The following TTLL10 variants were observed in gnomAD, a reference collection of about 807,000 sequenced individuals.
TTLL10 encodes inactive polyglycylase TTLL10.
In TTLL10, 61 loss-of-function variants were observed where a neutral mutation model predicts 69.0. That is an observed-to-expected ratio of 0.88 (90% CI 0.72 to 1.09). The LOEUF (loss-of-function observed/expected upper bound fraction) is 1.09, where lower values mean the gene tolerates loss of function less well. TTLL10 is among the 50% of genes least tolerant of loss of function. TTLL10 has a pLI of 0.00. For synonymous variants in TTLL10, 408 were observed against 393.3 expected (o/e 1.04, Z -0.44); for missense variants, 962 against 945.9 (o/e 1.02, Z -0.22).
In TTLL10 at chr1:1,185,376, A is replaced by G; in HGVS notation, c.1401+267A>G. On this transcript the variant is annotated intron_variant, in intron 13 of 15. Coordinates refer to ENST00000379289, the MANE Select transcript of TTLL10 (RefSeq NM_001130045.2). The surrounding 1 kb of genome is among the most constrained non-coding windows in gnomAD (Gnocchi z 6.1). ...CCGCGGGCAGCCTCGCCGTAGGGTC[A>G]GGGGACAGCTCGGCTTCAGTGACAG... The G allele has an allele frequency of 7.6e-7, 1 of 1,324,288 alleles. No homozygotes were observed. Among genetic ancestry groups the G allele is most frequent in the Non-Finnish European group, 9.6e-7 (1 of 1,038,920 alleles). The allele number at this position is 1,324,288 out of a possible 1,614,324, so 82.0% of individuals were successfully genotyped here.
chr1:1,179,051 G>A (rs779885080), intron 3 of TTLL10, 138 bp from the exon 4 acceptor site: 6 of 587,082 alleles, frequency 1.0e-5, no homozygotes, highest in South Asian at 8.8e-5. Flanking sequence ...CCAGCCGCAC[G>A]CAGAGGCTCA....
rs1022466776 is a variant in TTLL10, at chr1:1,174,816, C to T, written c.-28+327C>T. 5 of 152,252 alleles carry T rather than the reference C, an allele frequency of 3.3e-5. No homozygotes were observed. In the East Asian group the frequency reaches 9.6e-4, roughly 29 times the overall value. 9.4% of individuals were successfully genotyped at this position (152,252 alleles called of 1,614,324 possible). The stretch of plus-strand genomic sequence containing the variant: ...TCACCACACACACAGCGGGCAGCTG[C>T]TTAAGAAACCTTTGATTTCAGTCCG... On this transcript the variant is annotated intron_variant, in intron 3 of 15. Coordinates refer to ENST00000379289, the MANE Select transcript of TTLL10 (RefSeq NM_001130045.2).
At chr1:1,176,973 C>G (rs933303287) in intron 3 of TTLL10, among the ~76,000 whole-genome samples, 2 of 152,116 alleles carry the variant, frequency 1.3e-5, no homozygotes, top group Non-Finnish European at 2.9e-5. Context: ...TGTTTCTCCC[C>G]TTTTCTCTTC....
chr1:1,179,366 T>A (rs1340139496), intron 4 of TTLL10, 33 bp downstream of exon 4: 2 of 1,536,130 alleles, frequency 1.3e-6, no homozygotes, highest in Admixed American at 2.0e-5. Flanking sequence ...GCCTCCTACC[T>A]CTCCAAGGCC....
intron 13 of TTLL10, 37 bp from the exon 14 acceptor site, chr1:1,196,563 C>A (rs192368296): frequency 6.7e-7 from 1 of 1,489,234 alleles, no homozygotes; most frequent in Admixed American, 2.0e-5. Flanking sequence ...TCAGGGCCTA[C>A]GGGCCGCAGC....
intron 13 of TTLL10, among the ~76,000 whole-genome samples, chr1:1,194,522 T>C (rs1481096315): frequency 6.6e-6 from 1 of 152,174 alleles, no homozygotes; most frequent in Non-Finnish European, 1.5e-5. Context: ...GTAGGGCGGG[T>C]CTACCTTTGT....
chr1:1,182,392 A>G lies in TTLL10; in HGVS notation c.862A>G (p.Thr288Ala). Residue 288 changes from threonine (T) to alanine (A), a missense_variant, in exon 10 of 16, where the codon ACC becomes GCC. Coordinates refer to ENST00000379289, the MANE Select transcript of TTLL10 (RefSeq NM_001130045.2). ...VLRMEEFFPE[T>A]YRLDLKHERE... ...GAGAATGGAAGAGTTTTTCCCAGAG[A>G]CCTACCGCCTGGACCTCAAACACGA... 6.2e-7 allele frequency: 1 copy of G among 1,613,790 alleles called. No individual in the cohort carries two copies. Among genetic ancestry groups the G allele is most frequent in the Admixed American group, 1.7e-5 (1 of 60,014 alleles).
rs1557484605 is a variant in TTLL10 at position 1,185,167 on chromosome 1, GTCAGGCTGGGCACCAGGCACACAGA to G, written c.1401+60_1401+84del. On this transcript the variant is annotated intron_variant, in intron 13 of 15. Coordinates refer to ENST00000379289, the MANE Select transcript of TTLL10 (RefSeq NM_001130045.2). This position sits in a 1 kb window ranked among gnomAD's most constrained non-coding sequence, Gnocchi z 6.1. ...AGATCCCTCGGGGCGGGGGTGTGTG[GTCAGGCTGGGCACCAGGCACACAGA>G]TGTCCGTGGCGTGCGTGGGCGGCTG... 8.2e-6 allele frequency: 13 copies of G among 1,589,408 alleles called. No homozygotes were observed. Among genetic ancestry groups the G allele is most frequent in the Non-Finnish European group, 1.0e-5 (12 of 1,165,942 alleles).
At chr1:1,190,095 G>C (rs1418427448) in intron 13 of TTLL10, among the ~76,000 whole-genome samples, 4 of 148,562 alleles carry the variant, frequency 2.7e-5, no homozygotes, top group East Asian at 2.0e-4. Flanking sequence ...CTGGGGGACA[G>C]AGCGAGACCC....
At chr1:1,182,196 T>C (rs1213663034) in intron 9 of TTLL10, among the ~76,000 whole-genome samples, 165 bp from the exon 10 acceptor site, 1 of 151,990 alleles carries the variant, frequency 6.6e-6, no homozygotes, top group Non-Finnish European at 1.5e-5. Flanking sequence ...GGGGGGGTGC[T>C]GCAAAGGGGC....
Position 1,181,781 on chromosome 1 carries a change from C to G in TTLL10, c.796C>G (p.Pro266Ala). 1 of 1,609,374 alleles carries G rather than the reference C, an allele frequency of 6.2e-7. No homozygotes were observed. Among genetic ancestry groups the G allele is most frequent in the Non-Finnish European group, 8.5e-7 (1 of 1,178,808 alleles). ...DAAAPALEDLPWTSPGYLRPQ... is the reference protein window; with the variant it reads ...DAAAPALEDLAWTSPGYLRPQ... ...AGCAGCGCCCGCCCTGGAGGACCTC[C>G]CGTGGACAAGCCCAGGATACCTCAG... is the stretch of plus-strand genomic sequence containing the variant. Residue 266 changes from proline to alanine, a missense_variant, in exon 9 of 16, where the codon CCG (proline) becomes GCG (alanine). Pro to Ala is a conservative substitution (Grantham distance 27, BLOSUM62 -1). Coordinates refer to ENST00000379289, the MANE Select transcript of TTLL10 (RefSeq NM_001130045.2). The surrounding 1 kb of genome is among the most constrained non-coding windows in gnomAD (Gnocchi z 4.6).
chr1:1,192,557 GAGTGTAGACAATCCAGTTGATATC>G (rs1557490254), intron 13 of TTLL10, among the ~76,000 whole-genome samples: 4 of 150,036 alleles, frequency 2.7e-5, no homozygotes, highest in Non-Finnish European at 3.0e-5. Flanking sequence ...CAGTTGGTAT[GAGTGTAGACAATCCAGTTGATATC>G]AGTGTAGACA....
intron 11 of TTLL10, among the ~76,000 whole-genome samples, chr1:1,183,691 C>T (rs1260307991): frequency 6.6e-6 from 1 of 152,260 alleles, no homozygotes; most frequent in Non-Finnish European, 1.5e-5. Flanking sequence ...AGGCAGCCCT[C>T]CAGGCTCCTA....
In TTLL10 at chr1:1,180,609, G is replaced by C. The variant is rs1450052820; in HGVS notation, c.625+8G>C. 2 of 1,551,824 alleles carry C rather than the reference G, an allele frequency of 1.3e-6. No homozygotes were observed. Among genetic ancestry groups the C allele is most frequent in the Non-Finnish European group, 1.7e-6 (2 of 1,147,452 alleles). On this transcript the variant is annotated splice_region_variant and intron_variant, in intron 7 of 15. Transcript: ENST00000379289. ...ACGGCAGCTTCCGGGAAGGTAGCGG[G>C]AGCCGGCACCAGAGGCGGGCAGCCT...
rs774608314 is a variant in TTLL10, at chr1:1,180,900, C to T, written c.755+40C>T. On this transcript the variant is annotated intron_variant, in intron 8 of 15. Transcript: ENST00000379289. ...GCCCCTGCCCCCGTCCCTGCGCCCG[C>T]CCCTACGCCTGCCCCTGCCCCTGCC... is the stretch of plus-strand genomic sequence containing the variant. The T allele has an allele frequency of 1.7e-5, 26 of 1,509,330 alleles. No individual in the cohort carries two copies. In the South Asian group the frequency reaches 3.1e-4, roughly 18 times the overall value. The allele number at this position is 1,509,330 out of a possible 1,614,324, so 93.5% of individuals were successfully genotyped here. A position where few individuals can be genotyped will look rare whatever the true frequency, so the allele number is the denominator to read the frequency against.
chr1:1,191,656 A>G (rs986207666), intron 13 of TTLL10, among the ~76,000 whole-genome samples: 36 of 152,196 alleles, frequency 2.4e-4, no homozygotes, highest in Non-Finnish European at 2.9e-5. Flanking sequence ...TTAAAGACAC[A>G]CACAGAGAAA....
In TTLL10 at chr1:1,183,011, C is replaced by G. The variant is rs770599987; in HGVS notation, c.1052C>G (p.Thr351Arg). 27 of 1,609,432 alleles carry G rather than the reference C, an allele frequency of 1.7e-5. No homozygotes were observed. In the African/African-American group the frequency reaches 3.5e-4, roughly 21 times the overall value. ...GAGGACGACCCCATCCACCACAAGA[C>G]GCCGTTCCGGGGGCCTCAGGCGCGG... The part of the protein sequence containing the change: ...SMEDDPIHHK[T>R]PFRGPQARVV... Residue 351 changes from threonine (T) to arginine (R), a missense_variant, in exon 11 of 16, where the codon ACG (threonine) becomes AGG (arginine). Transcript: ENST00000379289.
chr1:1,189,878 C>T (rs1046748933), intron 13 of TTLL10, among the ~76,000 whole-genome samples: 9 of 151,938 alleles, frequency 5.9e-5, no homozygotes, highest in African/African-American at 1.5e-4. Flanking sequence ...TTTGGGAGGC[C>T]GAGGAAGGTG....
In TTLL10 at chr1:1,180,304, CCTT is replaced by C. The variant is rs975081621; in HGVS notation, c.476_478del (p.Phe159del). ...TCGCCCCACAGCACCCGGCCGGGGC[CCTT>C]CTTCTACATTGGAGGCAGCAACGGG... On this transcript the variant is annotated inframe_deletion, in exon 6 of 16. Transcript: ENST00000379289. 9 of 1,585,924 alleles carry C rather than the reference CCTT, an allele frequency of 5.7e-6. No individual in the cohort carries two copies. The highest frequency in any genetic ancestry group is 2.3e-5 in the East Asian group (1 of 43,314).
Sources: allele counts gnomAD v4.1 joint callset (sites outside exome capture counted in the v4.1 genomes callset), GRCh38; gene constraint gnomAD v4.1.1; non-coding constraint Gnocchi (gnomAD v3.1); transcripts MANE v1.5; gene names NCBI Gene and HGNC (gene_info 2026-07-23, HGNC 2026-07-21).